Variants in EMC3 observed in about 807,000 individuals in gnomAD.
The protein encoded by EMC3 is 30 kDa protein.
Under a neutral mutation model 36.6 loss-of-function variants are expected in EMC3, and 13 were observed. The ratio of observed to expected loss-of-function variants is 0.35; its 90% CI spans 0.23 to 0.56. The LOEUF is 0.56. Ranked by LOEUF, EMC3 falls within the 20% of genes least tolerant of loss-of-function variation. EMC3 has a pLI of 0.84. For missense variants in EMC3, 220 were observed against 324.5 expected (o/e 0.68, Z 2.47); for synonymous variants, 120 against 111.9 (o/e 1.07, Z -0.46).
In EMC3 at chr3:9,986,388, GTAAGGTCACCCT is replaced by G; in HGVS notation, c.155+107_155+118del. 3 of 1,168,334 alleles carry G rather than the reference GTAAGGTCACCCT, an allele frequency of 2.6e-6. No homozygotes were observed. In the South Asian group the frequency reaches 4.2e-5, roughly 16 times the overall value. 72.4% of individuals were successfully genotyped at this position (1,168,334 alleles called of 1,614,324 possible). ...CAAAAGTGAAACACAGAGGTAACGG[GTAAGGTCACCCT>G]GTCAGAGGGGGCGCGACGTGAACCT... On this transcript the variant is annotated intron_variant, in intron 1 of 7. Transcript: ENST00000245046.
At chr3:9,977,187 G>A (rs986192649) in intron 2 of EMC3, 137 bp from the exon 3 acceptor site, 32 of 860,600 alleles carry the variant, frequency 3.7e-5, no homozygotes, top group Non-Finnish European at 5.4e-5. Flanking sequence ...CTTGGCAGGC[G>A]ACCTGACACT....
At chr3:9,973,225 C>T (rs1291260398) in intron 5 of EMC3, among the ~76,000 whole-genome samples, 10 of 150,886 alleles carry the variant, frequency 6.6e-5, no homozygotes, top group African/African-American at 1.7e-4. Context: ...GACAGAGTCT[C>T]GCTCTGTCGC....
intron 1 of EMC3, among the ~76,000 whole-genome samples, chr3:10,001,196 C>T (rs1194985269): frequency 1.3e-5 from 2 of 151,950 alleles, no homozygotes; most frequent in African/African-American, 4.8e-5. Context: ...TATGGATATC[C>T]AGTTTTTCCA....
intron 1 of EMC3, among the ~76,000 whole-genome samples, chr3:9,982,488 C>G (rs1002552166): frequency 2.6e-5 from 4 of 151,750 alleles, no homozygotes; most frequent in African/African-American, 4.8e-5. Context: ...CTCCTGACCT[C>G]GTGATCTGCC....
At chr3:10,002,578 G>A (rs452792) in intron 1 of EMC3, 156,158 of 353,176 alleles carry the variant, frequency 0.44, 36,999 homozygotes, top group African/African-American at 0.55. Flanking sequence ...GAGCCACCGC[G>A]CCAAGCCTTG....
chr3:10,002,988 C>T (rs112968982), intron 1 of EMC3: 9,008 of 456,226 alleles, frequency 0.02, 652 homozygotes, highest in African/African-American at 0.16. Context: ...TGGCCTTCTT[C>T]TCCACCCAGA....
chr3:9,969,983 T>A (rs2085769000), intron 6 of EMC3, among the ~76,000 whole-genome samples, 182 bp from the exon 7 acceptor site: 1 of 152,164 alleles, frequency 6.6e-6, no homozygotes, highest in Admixed American at 6.5e-5. Context: ...ATGGGGACAG[T>A]AACAGCAAAA....
In EMC3 at chr3:9,983,773, C is replaced by CT. The variant is rs377461661; in HGVS notation, c.155+2733dup. The stretch of plus-strand genomic sequence containing the variant: ...TCTGATATAATTCAGAACCATTGCT[C>CT]TAATAGTGAACCATGGGCAGAAAAT... On this transcript the variant is annotated intron_variant, in intron 1 of 7. Coordinates refer to ENST00000245046, the MANE Select transcript of EMC3 (RefSeq NM_001394674.1). 2.8e-3 allele frequency among the ~76,000 whole-genome samples: 426 copies of CT among 152,264 alleles called. 3 individuals are homozygous for CT. Among genetic ancestry groups the CT allele is most frequent in the African/African-American group, 9.8e-3 (408 of 41,550 alleles).
chr3:9,995,138 A>G (rs1178264550), intron 1 of EMC3, among the ~76,000 whole-genome samples: 3 of 152,138 alleles, frequency 2.0e-5, no homozygotes, highest in Non-Finnish European at 4.4e-5. Context: ...TGACGGTATA[A>G]AGGGAGAATG....
At chr3:9,973,754 T>G in intron 4 of EMC3, 45 bp from the exon 5 acceptor site, 1 of 1,549,734 alleles carries the variant, frequency 6.5e-7, no homozygotes, top group Non-Finnish European at 8.9e-7. Context: ...CTGTTTTATT[T>G]TTAGAATAAG....
intron 1 of EMC3, chr3:10,007,377 C>G (rs768001512): frequency 7.3e-7 from 1 of 1,364,038 alleles, no homozygotes; most frequent in Non-Finnish European, 9.8e-7. Context: ...GATCCTGAAG[C>G]CCTGGGAACC....
intron 1 of EMC3, chr3:10,000,537 C>A: frequency 4.0e-6 from 1 of 252,146 alleles, no homozygotes; most frequent in Non-Finnish European, 8.2e-6. Context: ...AATATTCTGT[C>A]ATTTATGATC....
chr3:9,998,719 T>C (rs1471498372), intron 1 of EMC3, among the ~76,000 whole-genome samples: 1 of 152,160 alleles, frequency 6.6e-6, no homozygotes, highest in African/African-American at 2.4e-5. Flanking sequence ...ATTTCTATAT[T>C]TTTGTAGACA....
intron 5 of EMC3, among the ~76,000 whole-genome samples, chr3:9,973,212 TCAGA>T (rs750522361): frequency 3.3e-5 from 5 of 149,990 alleles, no homozygotes; most frequent in Non-Finnish European, 5.9e-5. Flanking sequence ...TTGTTTGTTT[TCAGA>T]CAGAGTCTCG....
intron 1 of EMC3, among the ~76,000 whole-genome samples, chr3:9,978,867 C>A (rs2085879389): frequency 7.0e-6 from 1 of 142,818 alleles, no homozygotes; most frequent in Non-Finnish European, 1.5e-5. Context: ...AACAAAAAAA[C>A]TGTGCTTGGC....
intron 1 of EMC3, chr3:10,010,917 C>G (rs1178809948): frequency 6.6e-6 from 1 of 152,344 alleles, no homozygotes; most frequent in Non-Finnish European, 1.5e-5. Flanking sequence ...GCCCGGCGGG[C>G]GGCACTTAAC....
At chr3:9,977,689 G>GT (rs2124910226) in intron 1 of EMC3, among the ~76,000 whole-genome samples, 1 of 152,272 alleles carries the variant, frequency 6.6e-6, no homozygotes, top group Non-Finnish European at 1.5e-5. Flanking sequence ...ATATTTCAGA[G>GT]TTAGGTACAT....
intron 1 of EMC3, among the ~76,000 whole-genome samples, chr3:9,979,671 C>T (rs1333544839): frequency 6.6e-6 from 1 of 152,088 alleles, no homozygotes; most frequent in Non-Finnish European, 1.5e-5. Context: ...AACCAAATAA[C>T]CAGAGGAATA....
intron 1 of EMC3, among the ~76,000 whole-genome samples, chr3:10,000,264 T>C (rs1395660128): frequency 1.3e-5 from 2 of 152,088 alleles, no homozygotes; most frequent in African/African-American, 4.8e-5. Context: ...GGTCTCGAAC[T>C]CCTGAACTCA....
Sources: allele counts gnomAD v4.1 joint callset (sites outside exome capture counted in the v4.1 genomes callset), GRCh38; gene constraint gnomAD v4.1.1; transcripts MANE v1.5; gene names NCBI Gene and HGNC (gene_info 2026-07-23, HGNC 2026-07-21).